Variants in LONP2 observed in about 807,000 individuals in gnomAD.
LONP2 encodes the protein lon peptidase 2, peroxisomal, also known as lon protease homolog 2, peroxisomal.
A neutral mutation model predicts 85.6 loss-of-function variants in LONP2; 60 were observed. The observed-to-expected ratio is 0.70, with a 90% CI of 0.57 to 0.87. LONP2 has a LOEUF of 0.87. Among genes scored for constraint, LONP2 ranks in the 40% least tolerant of loss-of-function variants. LONP2 has a pLI of 0.00. For synonymous variants in LONP2, 395 were observed against 389.7 expected, an observed-to-expected ratio of 1.01 and a Z score of -0.16; for missense variants, 860 against 1,063.5, an observed-to-expected ratio of 0.81 and a Z score of 2.66.
chr16:48,280,721 T>C (rs1049420447), intron 8 of LONP2, among the ~76,000 whole-genome samples: 2 of 152,218 alleles, frequency 1.3e-5, no homozygotes, highest in Admixed American at 6.5e-5. Context: ...GACATACATA[T>C]GGAGGAACTG....
In LONP2 at chr16:48,352,120, TTC is replaced by T. The variant is rs1349566212; in HGVS notation, c.*321_*322del. 1.1e-5 allele frequency: 3 copies of T among 261,158 alleles called. No individual in the cohort carries two copies. The highest frequency in any genetic ancestry group is 2.2e-5 in the Non-Finnish European group (3 of 135,772). 16.2% of individuals were successfully genotyped at this position (261,158 alleles called of 1,614,324 possible). On this transcript the variant is annotated 3_prime_UTR_variant, in exon 15 of 15. Coordinates refer to ENST00000285737, the MANE Select transcript of LONP2 (RefSeq NM_031490.5). ...CCTGGTAACTTGTTAGAAATGTACATTCTCAGGCTCCACAGCAGGCCGCCTGA... is the reference window on the plus strand; with the variant it reads ...CCTGGTAACTTGTTAGAAATGTACATTCAGGCTCCACAGCAGGCCGCCTGA...
At chr16:48,361,775 A>T (rs548798356), downstream of LONP2, 496 of 1,614,188 alleles carry the variant, frequency 3.1e-4, 8 homozygotes, top group South Asian at 5.2e-3. Flanking sequence ...CAAAATTTTC[A>T]GCTTGCTTGC....
intron 11 of LONP2, among the ~76,000 whole-genome samples, chr16:48,306,056 G>T (rs1972905370): frequency 6.6e-6 from 1 of 152,200 alleles, no homozygotes; most frequent in African/African-American, 2.4e-5. Context: ...CCTAGATCTA[G>T]ATGCTCCTGA....
chr16:48,347,367 C>G, intron 12 of LONP2, 140 bp from the exon 13 acceptor site: 3 of 739,036 alleles, frequency 4.1e-6, no homozygotes, highest in Non-Finnish European at 7.0e-6. Flanking sequence ...GAATGTGACG[C>G]AGAATCATGT....
chr16:48,303,064 A>G, intron 10 of LONP2, 108 bp from the exon 11 acceptor site: 3 of 1,162,266 alleles, frequency 2.6e-6, no homozygotes, highest in Admixed American at 4.4e-5. Context: ...AAGAAAGGGT[A>G]ATGAACTTTT....
chr16:48,300,318 A>AT (rs1972776607), intron 10 of LONP2, among the ~76,000 whole-genome samples: 1 of 152,222 alleles, frequency 6.6e-6, no homozygotes, highest in African/African-American at 2.4e-5. Context: ...AACAATAGAG[A>AT]AGGTGCCTTC....
intron 10 of LONP2, among the ~76,000 whole-genome samples, chr16:48,301,966 T>C (rs1384736470): frequency 6.6e-6 from 1 of 152,222 alleles, no homozygotes; most frequent in Non-Finnish European, 1.5e-5. Context: ...TGTATATCAA[T>C]GTGTCTTTTA....
chr16:48,251,530 C>T (rs1214673748), intron 1 of LONP2, among the ~76,000 whole-genome samples: 1 of 152,090 alleles, frequency 6.6e-6, no homozygotes, highest in Non-Finnish European at 1.5e-5. Context: ...TTTAGCTCTC[C>T]TCAGTCTATG....
chr16:48,254,405 C>T (rs1227110061), intron 2 of LONP2, among the ~76,000 whole-genome samples: 2 of 151,258 alleles, frequency 1.3e-5, no homozygotes, highest in African/African-American at 2.4e-5. Context: ...GCCCTGTTGC[C>T]CAGGCTGGAG....
At chr16:48,349,559 G>C (rs1960075355) in intron 14 of LONP2, among the ~76,000 whole-genome samples, 1 of 152,132 alleles carries the variant, frequency 6.6e-6, no homozygotes, top group African/African-American at 2.4e-5. Flanking sequence ...CAGCGGCCTG[G>C]GGTACACCTT....
chr16:48,313,001 A>G (rs1488583277), intron 11 of LONP2, among the ~76,000 whole-genome samples: 1 of 152,170 alleles, frequency 6.6e-6, no homozygotes, highest in Non-Finnish European at 1.5e-5. Flanking sequence ...GGCCTGGGAT[A>G]AAATTTCCAG....
At chr16:48,273,126 C>G (rs1972139912) in intron 7 of LONP2, among the ~76,000 whole-genome samples, 1 of 152,110 alleles carries the variant, frequency 6.6e-6, no homozygotes, top group African/African-American at 2.4e-5. Flanking sequence ...TTTGAGTAGG[C>G]ACCACTGTTC....
At chr16:48,262,926 A>T in intron 6 of LONP2, 54 bp downstream of exon 6, 1 of 1,148,354 alleles carries the variant, frequency 8.7e-7, no homozygotes, top group East Asian at 2.5e-5. Context: ...CAGAAAGCTC[A>T]TGCAATTTTT....
intron 8 of LONP2, among the ~76,000 whole-genome samples, chr16:48,292,908 T>C (rs1464960155): frequency 3.3e-5 from 5 of 152,254 alleles, no homozygotes; most frequent in Non-Finnish European, 5.9e-5. Flanking sequence ...GTTTTTCTTT[T>C]AACAAGCATC....
chr16:48,335,356 A>G (rs1483039857), intron 12 of LONP2, among the ~76,000 whole-genome samples: 1 of 152,190 alleles, frequency 6.6e-6, no homozygotes, highest in African/African-American at 2.4e-5. Flanking sequence ...TTAAACCCAC[A>G]TGCAGGTCTA....
At position 48,352,024 on chromosome 16, in the gene LONP2, C is replaced by A; in HGVS notation, c.*222C>A. The A allele has an allele frequency of 1.8e-6, 1 of 557,124 alleles. No homozygotes were observed. Among genetic ancestry groups the A allele is most frequent in the Admixed American group, 3.1e-5 (1 of 32,488 alleles). 34.5% of individuals were successfully genotyped at this position (557,124 alleles called of 1,614,324 possible). A position where few individuals can be genotyped will look rare whatever the true frequency, so the allele number is the denominator to read the frequency against. On this transcript the variant is annotated 3_prime_UTR_variant, in exon 15 of 15. Coordinates refer to ENST00000285737, the MANE Select transcript of LONP2 (RefSeq NM_031490.5). ...CGAATTCTTGTCTTTTTAGTGGGATCCTTACTGTCCCTGGAAAGATATAGC... is the reference window on the plus strand; with the variant it reads ...CGAATTCTTGTCTTTTTAGTGGGATACTTACTGTCCCTGGAAAGATATAGC...
At chr16:48,348,487 C>CTTT (rs34729067) in intron 14 of LONP2, among the ~76,000 whole-genome samples, 197 bp downstream of exon 14, 14 of 112,810 alleles carry the variant, frequency 1.2e-4, no homozygotes, top group Admixed American at 1.9e-4. Context: ...TCACATTTTC[C>CTTT]TTTTTTTTTT....
At chr16:48,270,512 T>A (rs1485968498) in intron 7 of LONP2, among the ~76,000 whole-genome samples, 1 of 152,218 alleles carries the variant, frequency 6.6e-6, no homozygotes, top group Non-Finnish European at 1.5e-5. Flanking sequence ...TCAACTTTCC[T>A]GGAATCTCAT....
intron 8 of LONP2, among the ~76,000 whole-genome samples, chr16:48,293,116 C>CT (rs1972589807): frequency 6.6e-6 from 1 of 152,128 alleles, no homozygotes; most frequent in African/African-American, 2.4e-5. Flanking sequence ...ATTACATATG[C>CT]TTAGAGCCAT....
Sources: gnomAD v4.1 joint callset for allele counts (sites outside exome capture counted in the v4.1 genomes callset) on GRCh38, gnomAD v4.1.1 for gene constraint, MANE v1.5 for transcripts, NCBI Gene and HGNC (gene_info 2026-07-23, HGNC 2026-07-21) for gene names.